CDC42BPB: variants seen among roughly 807,000 people sequenced by gnomAD.
CDC42BPB encodes the protein CDC42 binding protein kinase beta, also known as serine/threonine-protein kinase MRCK beta.
A neutral mutation model predicts 214.9 loss-of-function variants in CDC42BPB; 37 were observed. The observed-to-expected ratio is 0.17, with a 90% confidence interval of 0.13 to 0.23. The LOEUF is 0.23. Ranked by LOEUF, CDC42BPB falls within the 10% of genes least tolerant of loss-of-function variation. CDC42BPB has a pLI of 1.00. For missense variants in CDC42BPB, 1,694 were observed against 2,227.0 expected (o/e 0.76, Z 4.82); for synonymous variants, 931 against 884.0 (o/e 1.05, Z -0.94).
chr14:102,990,133 A>T (rs571201903), intron 5 of CDC42BPB, among the ~76,000 whole-genome samples: 32 of 152,338 alleles, frequency 2.1e-4, no homozygotes, highest in African/African-American at 7.2e-4. Flanking sequence ...TCAAAGAATA[A>T]AACTCAATCA....
chr14:103,046,286 C>T (rs984497973), intron 1 of CDC42BPB, among the ~76,000 whole-genome samples: 1 of 152,070 alleles, frequency 6.6e-6, no homozygotes, highest in East Asian at 1.9e-4. Context: ...ATAAAGAATT[C>T]TATCACTAAC....
chr14:102,985,438 G>C (rs1158985674), intron 6 of CDC42BPB, among the ~76,000 whole-genome samples: 2 of 152,160 alleles, frequency 1.3e-5, no homozygotes, highest in Non-Finnish European at 2.9e-5. Flanking sequence ...GTTATACTGT[G>C]ACAGGGTGGT....
At chr14:102,935,595 G>T (rs928783736) in intron 36 of CDC42BPB, among the ~76,000 whole-genome samples, 14 of 151,994 alleles carry the variant, frequency 9.2e-5, no homozygotes, top group East Asian at 1.9e-4. Context: ...TTTGAGACCA[G>T]TCTGGCCAAC....
chr14:102,999,823 G>A (rs752835029), intron 4 of CDC42BPB, 110 bp from the exon 5 acceptor site: 82 of 1,512,500 alleles, frequency 5.4e-5, no homozygotes, highest in East Asian at 2.4e-4. Flanking sequence ...GGTCTGGCTC[G>A]TGGCATCTCA....
At chr14:102,974,515 G>A (rs1893648368) in intron 11 of CDC42BPB, among the ~76,000 whole-genome samples, 1 of 152,202 alleles carries the variant, frequency 6.6e-6, no homozygotes, top group South Asian at 2.1e-4. Flanking sequence ...AAAAGTTTTA[G>A]TTAGTAAGTG....
chr14:102,939,520 G>T, intron 34 of CDC42BPB, 90 bp downstream of exon 34: 1 of 931,562 alleles, frequency 1.1e-6, no homozygotes, highest in East Asian at 2.4e-5. Context: ...CGCAGGCACT[G>T]CCTTTGGGAC....
chr14:103,029,740 T>C lies in CDC42BPB; in HGVS notation c.176-17552A>G, dbSNP rs1439434178. 3.4e-5 allele frequency among the ~76,000 whole-genome samples: 5 copies of C among 148,306 alleles called. No homozygotes were observed. The East Asian group carries it at 7.9e-4, about 23-fold the overall frequency. Reference sequence around the variant, plus strand: ...TGTGTGTGGTGGTGTGCACCTGTAGTCCCAGCTACTTCGGAGGCTGACGCA... The same window carrying C: ...TGTGTGTGGTGGTGTGCACCTGTAGCCCCAGCTACTTCGGAGGCTGACGCA... On this transcript the variant is annotated intron_variant, in intron 1 of 36. Transcript: ENST00000361246.
At chr14:103,029,461 T>C (rs1007085495) in intron 1 of CDC42BPB, among the ~76,000 whole-genome samples, 3 of 150,854 alleles carry the variant, frequency 2.0e-5, no homozygotes, top group Non-Finnish European at 2.9e-5. Flanking sequence ...GAGAATGGCA[T>C]GAACCTGGGA....
intron 3 of CDC42BPB, among the ~76,000 whole-genome samples, chr14:103,007,394 C>T (rs1235849532): frequency 6.6e-6 from 1 of 152,152 alleles, no homozygotes. Context: ...TGGCCCGAAT[C>T]GATGGTTGTA....
chr14:103,052,754 C>T (rs1319674929), intron 1 of CDC42BPB, among the ~76,000 whole-genome samples: 2 of 152,222 alleles, frequency 1.3e-5, no homozygotes, highest in African/African-American at 4.8e-5. Context: ...AGCCTGAGGC[C>T]TCCCTCCTGG....
At chr14:103,052,470 G>A (rs886179136) in intron 1 of CDC42BPB, among the ~76,000 whole-genome samples, 3 of 151,920 alleles carry the variant, frequency 2.0e-5, no homozygotes, top group Non-Finnish European at 4.4e-5. Flanking sequence ...GTTTAGCACC[G>A]TGTCAGTTAA....
At chr14:103,010,448 A>ACTCACT (rs1886089283) in intron 2 of CDC42BPB, among the ~76,000 whole-genome samples, 1 of 152,188 alleles carries the variant, frequency 6.6e-6, no homozygotes, top group South Asian at 2.1e-4. Flanking sequence ...CTCTGGTGAG[A>ACTCACT]CTCACTCATG....
chr14:102,940,599 A>G (rs1451843296), intron 30 of CDC42BPB: 2 of 809,652 alleles, frequency 2.5e-6, no homozygotes, highest in Admixed American at 3.2e-5. Flanking sequence ...GACTTTTAAA[A>G]AGTCTGGTTT....
intron 26 of CDC42BPB, 151 bp downstream of exon 26, chr14:102,949,614 G>C (rs1892388112): frequency 1.0e-6 from 1 of 966,332 alleles, no homozygotes; most frequent in Admixed American, 2.5e-5. Context: ...CTGAAGTCAT[G>C]ACTAAGCTGT....
At chr14:102,995,970 G>A (rs1360932559) in intron 5 of CDC42BPB, among the ~76,000 whole-genome samples, 2 of 152,148 alleles carry the variant, frequency 1.3e-5, no homozygotes, top group Admixed American at 6.5e-5. Flanking sequence ...TAATTTGGGG[G>A]GAAAAATAAA....
At chr14:103,030,756 G>A (rs758181062) in intron 1 of CDC42BPB, among the ~76,000 whole-genome samples, 40 of 151,988 alleles carry the variant, frequency 2.6e-4, no homozygotes, top group Non-Finnish European at 7.4e-5. Flanking sequence ...AGCTGAGACA[G>A]GTAGATCACT....
rs747653502 is a variant in CDC42BPB at position 102,944,033 on chromosome 14, C to T, written c.4266G>A (p.Gln1422=). 1 of 1,613,590 alleles carries T rather than the reference C, an allele frequency of 6.2e-7. No individual in the cohort carries two copies. The highest frequency in any genetic ancestry group is 1.1e-5 in the South Asian group (1 of 91,088). The part of the protein sequence containing the change: ...NDPSLAFLSQ[Q]SFDALCAVEL... ...CCACAGCACAAAGGGCATCAAAAGA[C>T]TGTTGTGAGAGGAACGCAAGCGAGG... Residue 1422 remains glutamine, a synonymous_variant, in exon 30 of 37, where the codon CAG becomes CAA. Transcript: ENST00000361246. The surrounding 1 kb of genome is among the most constrained non-coding windows in gnomAD (Gnocchi z 6.6).
intron 3 of CDC42BPB, among the ~76,000 whole-genome samples, chr14:103,007,403 T>C (rs1041897691): frequency 6.6e-6 from 1 of 152,152 alleles, no homozygotes; most frequent in South Asian, 2.1e-4. Flanking sequence ...TCGATGGTTG[T>C]ACTGTTGTCG....
At chr14:103,043,372 C>T (rs1220593499) in intron 1 of CDC42BPB, among the ~76,000 whole-genome samples, 7 of 152,182 alleles carry the variant, frequency 4.6e-5, no homozygotes, top group African/African-American at 1.7e-4. Context: ...GGATAATGCA[C>T]TATATACGCT....
Sources: gnomAD v4.1 joint callset for allele counts (sites outside exome capture counted in the v4.1 genomes callset) on GRCh38, gnomAD v4.1.1 for gene constraint, Gnocchi (gnomAD v3.1) non-coding constraint, MANE v1.5 for transcripts, NCBI Gene and HGNC (gene_info 2026-07-23, HGNC 2026-07-21) for gene names.